The following VPS13B variants were observed in gnomAD, a reference collection of about 807,000 sequenced individuals.
VPS13B encodes the protein vacuolar protein sorting 13 homolog B, also known as intermembrane lipid transfer protein VPS13B.
In VPS13B, 285 loss-of-function variants were observed where a neutral mutation model predicts 426.4. The observed-to-expected ratio is 0.67, with a 90% CI of 0.61 to 0.74. The LOEUF (loss-of-function observed/expected upper bound fraction) is 0.74. VPS13B is among the 30% of genes least tolerant of loss of function. The pLI, the probability that VPS13B is intolerant of heterozygous loss-of-function variation, is 0.00. For synonymous variants in VPS13B, 1,676 were observed against 1,676.4 expected, an observed-to-expected ratio of 1.00 and a Z score of 0.01; for missense variants, 4,537 against 4,782.6, an observed-to-expected ratio of 0.95 and a Z score of 1.51.
chr8:99,051,461 C>T (rs1173246960), intron 3 of VPS13B, among the ~76,000 whole-genome samples: 4 of 151,520 alleles, frequency 2.6e-5, no homozygotes, highest in Non-Finnish European at 5.9e-5. Context: ...AGTCAGGTAG[C>T]ATGATGCCTC....
At chr8:99,653,732 G>A (rs1829913901) in intron 34 of VPS13B, among the ~76,000 whole-genome samples, 1 of 152,100 alleles carries the variant, frequency 6.6e-6, no homozygotes, top group African/African-American at 2.4e-5. Context: ...GGTTCTAAAA[G>A]TAAGAGCAAG....
chr8:99,215,505 A>G (rs1166498359), intron 17 of VPS13B, among the ~76,000 whole-genome samples: 1 of 152,222 alleles, frequency 6.6e-6, no homozygotes, highest in Non-Finnish European at 1.5e-5. Context: ...AAGATTTATT[A>G]TAGCAATGTA....
intron 35 of VPS13B, among the ~76,000 whole-genome samples, chr8:99,670,234 G>A (rs1430386917): frequency 1.3e-5 from 2 of 151,870 alleles, no homozygotes; most frequent in African/African-American, 4.8e-5. Context: ...ATAGTGTCTC[G>A]ATTTTTCTGG....
chr8:99,458,148 A>G (rs1220861065), intron 23 of VPS13B, among the ~76,000 whole-genome samples: 3 of 139,390 alleles, frequency 2.2e-5, no homozygotes, highest in South Asian at 2.2e-4. Context: ...ATTCCCACCT[A>G]TGAGTGAGAA....
chr8:99,859,347 C>G lies in VPS13B; in HGVS notation c.10911C>G (p.Ser3637Arg). Residue 3637 changes from serine to arginine, a missense_variant, in exon 57 of 62, where the codon AGC (serine) becomes AGG (arginine). By Grantham distance (110) the Ser-to-Arg change is moderately radical. Transcript: ENST00000357162. ...TGGATATTCTTGGCAGCCCTGCAAG[C>G]CTGGTGAGAAGCATCGGGAACGGGG... is the stretch of plus-strand genomic sequence containing the variant. ...GSLDILGSPA[S>R]LVRSIGNGVA... is the part of the protein sequence containing the mutation. 1 of 1,614,004 alleles carries G rather than the reference C, an allele frequency of 6.2e-7. No homozygotes were observed. Among genetic ancestry groups the G allele is most frequent in the Non-Finnish European group, 8.5e-7 (1 of 1,179,996 alleles).
intron 3 of VPS13B, among the ~76,000 whole-genome samples, chr8:99,082,590 T>A (rs1845546584): frequency 6.6e-6 from 1 of 152,158 alleles, no homozygotes; most frequent in African/African-American, 2.4e-5. Flanking sequence ...GTTTTTATGG[T>A]TTTAGGTCTA....
At chr8:99,617,758 G>A (rs1226337735) in intron 33 of VPS13B, among the ~76,000 whole-genome samples, 1 of 152,200 alleles carries the variant, frequency 6.6e-6, no homozygotes, top group African/African-American at 2.4e-5. Context: ...TACACTGAAA[G>A]ATTTCTAAAC....
At chr8:99,172,449 G>T (rs10109847) in intron 16 of VPS13B, among the ~76,000 whole-genome samples, 2 of 151,792 alleles carry the variant, frequency 1.3e-5, no homozygotes, top group East Asian at 1.9e-4. Flanking sequence ...AGATGATATT[G>T]TCTCTTATAA....
intron 2 of VPS13B, among the ~76,000 whole-genome samples, chr8:99,024,640 G>T (rs1370668903): frequency 1.3e-5 from 2 of 152,118 alleles, no homozygotes; most frequent in South Asian, 2.1e-4. Context: ...TGGTTTTGTT[G>T]TTCTGTTCTC....
At chr8:99,649,871 C>T (rs991322994) in intron 34 of VPS13B, among the ~76,000 whole-genome samples, 1 of 152,148 alleles carries the variant, frequency 6.6e-6, no homozygotes, top group African/African-American at 2.4e-5. Context: ...TAAAAGAAGA[C>T]ACAAAACAAC....
chr8:99,233,556 G>T, intron 17 of VPS13B: 1 of 1,127,788 alleles, frequency 8.9e-7, no homozygotes, highest in Non-Finnish European at 1.4e-6. Context: ...ACAGGCTGGA[G>T]AAAGTATCTG....
At chr8:99,056,414 T>C (rs1843867637) in intron 3 of VPS13B, among the ~76,000 whole-genome samples, 1 of 152,146 alleles carries the variant, frequency 6.6e-6, no homozygotes, top group South Asian at 2.1e-4. Context: ...TTAGCTGTAG[T>C]AGTTTTTGGT....
chr8:99,680,166 T>C (rs774077136), intron 35 of VPS13B, among the ~76,000 whole-genome samples: 2 of 152,214 alleles, frequency 1.3e-5, no homozygotes, highest in African/African-American at 2.4e-5. Context: ...ACAAGCCATA[T>C]TGAATTCATT....
chr8:99,162,919 A>C (rs932689450), intron 15 of VPS13B, among the ~76,000 whole-genome samples: 7 of 152,084 alleles, frequency 4.6e-5, no homozygotes, highest in Admixed American at 6.5e-5. Flanking sequence ...CTGTTTTGTC[A>C]GGGCGCTGAT....
At chr8:99,859,183 A>C in intron 56 of VPS13B, 121 bp from the exon 57 acceptor site, 2 of 1,220,250 alleles carry the variant, frequency 1.6e-6, no homozygotes, top group East Asian at 4.7e-5. Context: ...CCAAAGAAAC[A>C]GATTACTTTC....
At chr8:99,690,174 T>C (rs1241702784) in intron 35 of VPS13B, among the ~76,000 whole-genome samples, 1 of 152,194 alleles carries the variant, frequency 6.6e-6, no homozygotes, top group Non-Finnish European at 1.5e-5. Flanking sequence ...CCTCTTCCAG[T>C]ACCCCAAATT....
chr8:99,293,151 G>A (rs948914758), intron 19 of VPS13B, among the ~76,000 whole-genome samples: 3 of 148,464 alleles, frequency 2.0e-5, no homozygotes, highest in African/African-American at 7.5e-5. Flanking sequence ...ATACTACAAG[G>A]CTACAGTAAC....
intron 3 of VPS13B, among the ~76,000 whole-genome samples, chr8:99,044,326 G>A (rs944188003): frequency 1.3e-5 from 2 of 151,284 alleles, no homozygotes; most frequent in African/African-American, 4.9e-5. Flanking sequence ...CTTGTGATCC[G>A]CCCACCTCAG....
chr8:99,060,105 A>T (rs77417085), intron 3 of VPS13B, among the ~76,000 whole-genome samples: 2,963 of 152,194 alleles, frequency 0.019, 45 homozygotes, highest in Middle Eastern at 0.068. Context: ...GAAGTAAAAA[A>T]ACTACAAACC....
Sources: gnomAD v4.1 joint callset for allele counts (sites outside exome capture counted in the v4.1 genomes callset) on GRCh38, gnomAD v4.1.1 for gene constraint, MANE v1.5 for transcripts, NCBI Gene and HGNC (gene_info 2026-07-23, HGNC 2026-07-21) for gene names.